Variants in DSP observed in about 807,000 individuals in gnomAD.
DSP encodes desmoplakin, also known as 250/210 kDa paraneoplastic pemphigus antigen.
In DSP, 114 loss-of-function variants were observed where a neutral mutation model predicts 290.6. That is an observed-to-expected ratio of 0.39 (90% CI 0.34 to 0.46). DSP has a LOEUF of 0.46. Among genes scored for constraint, DSP ranks in the 20% least tolerant of loss-of-function variants. The pLI is 0.99. For missense variants in DSP, 3,230 were observed against 3,495.8 expected (o/e 0.92, Z 1.92); for synonymous variants, 1,311 against 1,316.4 (o/e 1.00, Z 0.09).
Position 7,571,325 on chromosome 6 carries a change from T to C in DSP, c.1702-58T>C, listed in dbSNP as rs1404843031. On this transcript the variant is annotated intron_variant, in intron 13 of 23. Coordinates refer to ENST00000379802, the MANE Select transcript of DSP (RefSeq NM_004415.4). ...GGTGGCATTTTTTGGCCAACTCTTC[T>C]TGATTGCATTGTGGGGCAGTCATAA... 193 of 1,604,270 alleles carry C rather than the reference T, an allele frequency of 1.2e-4. 1 individual carries two copies. In the South Asian group the frequency reaches 2.0e-3, roughly 17 times the overall value.
At position 7,558,149 on chromosome 6, in the gene DSP, C is replaced by G. The variant is rs375028675; in HGVS notation, c.307C>G (p.Arg103Gly). ...GTATGGAGATGGAATACAACTGACT[C>G]GGAGTCGAGAATTGGATGAGTGTTT... ...LKYGDGIQLT[R>G]SRELDECFAQ... Residue 103 changes from arginine (R) to glycine (G), a missense_variant, in exon 3 of 24, where the codon CGG becomes GGG. Physicochemically the swap from Arg to Gly is moderately radical, Grantham distance 125. Transcript: ENST00000379802. The G allele has an allele frequency of 6.2e-7, 1 of 1,614,198 alleles. No homozygotes were observed. Among genetic ancestry groups the G allele is most frequent in the Non-Finnish European group, 8.5e-7 (1 of 1,180,046 alleles).
intron 20 of DSP, 120 bp from the exon 21 acceptor site, chr6:7,577,659 A>G: frequency 1.2e-6 from 1 of 857,522 alleles, no homozygotes; most frequent in Non-Finnish European, 2.0e-6. Context: ...AGTGGCGCAA[A>G]GTCTTTGGAG....
In DSP at chr6:7,584,123, T is replaced by G. The variant is rs1352455951; in HGVS notation, c.6861T>G (p.Thr2287=). 6.2e-7 allele frequency: 1 copy of G among 1,614,070 alleles called. No homozygotes were observed. Among genetic ancestry groups the G allele is most frequent in the African/African-American group, 1.3e-5 (1 of 74,922 alleles). The part of the protein sequence containing the change: ...AMKIGLVRPG[T]ALELLEAQAA... ...AAATTGGCTTAGTCCGACCTGGTAC[T>G]GCTCTGGAGTTGCTGGAAGCCCAAG... Residue 2287 remains threonine (T), a synonymous_variant, in exon 24 of 24, where the codon ACT becomes ACG. Transcript: ENST00000379802. The surrounding 1 kb of genome is among the most constrained non-coding windows in gnomAD (Gnocchi z 6.4).
In DSP at chr6:7,585,860, T is replaced by C. The variant is rs1024749708; in HGVS notation, c.8598T>C (p.Ser2866=). The change falls in exon 24 of 24, where the codon AGT becomes AGC. Residue 2866 remains serine, a synonymous_variant. Coordinates refer to ENST00000379802, the MANE Select transcript of DSP (RefSeq NM_004415.4). ...SSYSYSYSFS[S]SSIGH ...ACTCTTATTCCTACTCATTTAGCAG[T>C]AGTTCTATTGGGCACTAGTAGTCAG... 7 of 1,614,072 alleles carry C rather than the reference T, an allele frequency of 4.3e-6. No homozygotes were observed. The highest frequency in any genetic ancestry group is 1.1e-5 in the South Asian group (1 of 91,056).
At chr6:7,544,790 TC>T (rs544672708) in intron 1 of DSP, among the ~76,000 whole-genome samples, 1 of 152,162 alleles carries the variant, frequency 6.6e-6, no homozygotes, top group East Asian at 1.9e-4. Flanking sequence ...TCCCTCTTTT[TC>T]CCCCGACCAC....
In DSP at chr6:7,584,750, G is replaced by C; in HGVS notation, c.7488G>C (p.Leu2496=). Residue 2496 remains leucine, a synonymous_variant, in exon 24 of 24, where the codon CTG becomes CTC. Coordinates refer to ENST00000379802, the MANE Select transcript of DSP (RefSeq NM_004415.4). This position sits in a 1 kb window ranked among gnomAD's most constrained non-coding sequence, Gnocchi z 6.4. ...GLIDYETFKE[L]CEQECEWEEI... is the part of the protein sequence containing the mutation. ...TTGATTATGAAACCTTCAAAGAACT[G>C]TGTGAGCAGGAATGTGAATGGGAAG... 2 of 1,614,204 alleles carry C rather than the reference G, an allele frequency of 1.2e-6. No homozygotes were observed. The highest frequency in any genetic ancestry group is 2.7e-5 in the African/African-American group (2 of 75,046).
chr6:7,542,266 G>A (rs556151626), intron 1 of DSP, among the ~76,000 whole-genome samples, 181 bp downstream of exon 1: 1 of 143,610 alleles, frequency 7.0e-6, no homozygotes, highest in African/African-American at 2.5e-5. Flanking sequence ...TGCGGGGACA[G>A]GTTGGCCCCT....
chr6:7,556,950 G>A (rs1168078405), intron 2 of DSP, among the ~76,000 whole-genome samples: 6 of 152,118 alleles, frequency 3.9e-5, no homozygotes, highest in African/African-American at 1.2e-4. Context: ...CTATGGATAC[G>A]TTTTACATGT....
At chr6:7,558,507 CTTTTTTTTTTTT>C (rs145193988) in intron 3 of DSP, among the ~76,000 whole-genome samples, 67 of 104,554 alleles carry the variant, frequency 6.4e-4, no homozygotes, top group African/African-American at 2.3e-3. Context: ...TGGCATTTGA[CTTTTTTTTTTTT>C]TTTTTTTTTT....
Position 7,583,041 on chromosome 6 carries a change from C to T in DSP, c.5779C>T (p.Gln1927Ter). The T allele has an allele frequency of 6.2e-7, 1 of 1,614,016 alleles. No individual in the cohort carries two copies. The highest frequency in any genetic ancestry group is 8.5e-7 in the Non-Finnish European group (1 of 1,180,014). Reference protein sequence around the residue: ...LEDSTRETQSQLETERSRYQR... With the variant: ...LEDSTRETQS ...GGATTCTACCAGGGAGACACAGTCA[C>T]AGTTAGAAACAGAACGCTCCCGATA... The change falls in exon 24 of 24, where the codon CAG (glutamine) becomes TAG (stop). Residue 1927 changes from glutamine to a stop codon, truncating the protein, a stop_gained. Transcript: ENST00000379802. LOFTEE classifies it high-confidence loss of function. The surrounding 1 kb of genome is among the most constrained non-coding windows in gnomAD (Gnocchi z 4.0).
chr6:7,575,174 C>G (rs1477812031), intron 17 of DSP, 121 bp from the exon 18 acceptor site: 1 of 965,896 alleles, frequency 1.0e-6, no homozygotes, highest in Non-Finnish European at 1.6e-6. Flanking sequence ...ACTGTTAACA[C>G]TTTAAATTAT....
At position 7,580,208 on chromosome 6, in the gene DSP, C is replaced by A. The variant is rs768628788; in HGVS notation, c.4018C>A (p.Arg1340Ser). ...LKAEFQEEAKRRWEYENELSK... is the reference protein window; with the variant it reads ...LKAEFQEEAKSRWEYENELSK... ...AGCTGAGTTTCAGGAGGAGGCCAAG[C>A]GCCGCTGGGAATATGAAAATGAACT... Residue 1340 changes from arginine (R) to serine (S), a missense_variant, in exon 23 of 24, where the codon CGC becomes AGC. Transcript: ENST00000379802. This position sits in a 1 kb window ranked among gnomAD's most constrained non-coding sequence, Gnocchi z 4.2. 3 of 1,613,926 alleles carry A rather than the reference C, an allele frequency of 1.9e-6. No homozygotes were observed. Among genetic ancestry groups the A allele is most frequent in the Non-Finnish European group, 2.5e-6 (3 of 1,180,004 alleles).
chr6:7,582,693 G>T lies in DSP; in HGVS notation c.5431G>T (p.Glu1811Ter), dbSNP rs2113697854. Residue 1811 changes from glutamate to a stop codon, truncating the protein, a stop_gained, in exon 24 of 24, where the codon GAA becomes TAA. Coordinates refer to ENST00000379802, the MANE Select transcript of DSP (RefSeq NM_004415.4). LOFTEE classifies it high-confidence loss of function. This position sits in a 1 kb window ranked among gnomAD's most constrained non-coding sequence, Gnocchi z 4.2. ...GAATCAGTGTACTCAGGTGGTACAG[G>T]AAAGAGAGAGCCTTCTGGTGAAAAT... ...SKNQCTQVVQERESLLVKIKV... is the reference protein window; with the variant it reads ...SKNQCTQVVQ 1 of 1,613,760 alleles carries T rather than the reference G, an allele frequency of 6.2e-7. No individual in the cohort carries two copies. Among genetic ancestry groups the T allele is most frequent in the Non-Finnish European group, 8.5e-7 (1 of 1,179,916 alleles).
rs746533703 is a variant in DSP, at chr6:7,583,788, G to A, written c.6526G>A (p.Val2176Ile). The A allele has an allele frequency of 3.7e-6, 6 of 1,613,966 alleles. No individual in the cohort carries two copies. In the African/African-American group the frequency reaches 5.3e-5, roughly 14 times the overall value. The change falls in exon 24 of 24, where the codon GTC (valine) becomes ATC (isoleucine). Residue 2176 changes from valine to isoleucine, a missense_variant. Val to Ile is a conservative substitution (Grantham distance 29). Transcript: ENST00000379802. This position sits in a 1 kb window ranked among gnomAD's most constrained non-coding sequence, Gnocchi z 4.0. ...TAGTCAGAAAAACTTTGTGGATCCA[G>A]TCACCAAAAAGAAGGTCAGTTACGT... ...RDSQKNFVDP[V>I]TKKKVSYVQL...
Position 7,581,116 on chromosome 6 carries a change from C to T in DSP, c.4926C>T (p.Gly1642=). The change falls in exon 23 of 24, where the codon GGC becomes GGT. Residue 1642 remains glycine (G), a synonymous_variant. Transcript: ENST00000379802. ...GGCAGCAGAGGGACGTGCTGGATGG[C>T]CACCTGAGGGAAAAGCAGAGGACCC... ...DLRQQRDVLD[G]HLREKQRTQE... 3 of 1,614,054 alleles carry T rather than the reference C, an allele frequency of 1.9e-6. No individual in the cohort carries two copies. Among genetic ancestry groups the T allele is most frequent in the Non-Finnish European group, 2.5e-6 (3 of 1,180,016 alleles).
At chr6:7,574,881 C>T (rs1759187370) in intron 17 of DSP, 86 bp downstream of exon 17, 5 of 1,593,366 alleles carry the variant, frequency 3.1e-6, no homozygotes, top group Non-Finnish European at 4.3e-6. Context: ...ACTGGGTTTT[C>T]ATGAGTTTTG....
Position 7,582,636 on chromosome 6 carries a change from T to C in DSP, c.5380-6T>C, listed in dbSNP as rs1477281341. 1 of 1,610,172 alleles carries C rather than the reference T, an allele frequency of 6.2e-7. No individual in the cohort carries two copies. On this transcript the variant is annotated splice_polypyrimidine_tract_variant and splice_region_variant and intron_variant, in intron 23 of 23. Coordinates refer to ENST00000379802, the MANE Select transcript of DSP (RefSeq NM_004415.4). The surrounding 1 kb of genome is among the most constrained non-coding windows in gnomAD (Gnocchi z 4.2). ...TTTTTCCCATTTCTTTCTTCTTCAA[T>C]TCCAGGCATCTAATAGGATTCAGGA...
Position 7,582,890 on chromosome 6 carries a change from G to C in DSP, c.5628G>C (p.Glu1876Asp). 6.2e-7 allele frequency: 1 copy of C among 1,614,096 alleles called. No homozygotes were observed. The highest frequency in any genetic ancestry group is 8.5e-7 in the Non-Finnish European group (1 of 1,180,036). The change falls in exon 24 of 24, where the codon GAG (glutamate) becomes GAC (aspartate). Residue 1876 changes from glutamate to aspartate, a missense_variant. Physicochemically the swap from Glu to Asp is conservative, Grantham distance 45. Coordinates refer to ENST00000379802, the MANE Select transcript of DSP (RefSeq NM_004415.4). This position sits in a 1 kb window ranked among gnomAD's most constrained non-coding sequence, Gnocchi z 4.2. ...QWKTQYSRKE[E>D]AIRKIESERE... is the part of the protein sequence containing the mutation. ...AGACTCAATATTCCCGCAAGGAGGAGGCTATTAGGAAGATAGAATCGGAAA... is the reference window on the plus strand; with the variant it reads ...AGACTCAATATTCCCGCAAGGAGGACGCTATTAGGAAGATAGAATCGGAAA...
At chr6:7,567,579 G>A in intron 9 of DSP, 130 bp downstream of exon 9, 3 of 1,134,272 alleles carry the variant, frequency 2.6e-6, no homozygotes, top group African/African-American at 3.1e-5. Flanking sequence ...TTTGAGTGCA[G>A]AGTAGCATAG....
Sources: allele counts gnomAD v4.1 joint callset (sites outside exome capture counted in the v4.1 genomes callset), GRCh38; gene constraint gnomAD v4.1.1; non-coding constraint Gnocchi (gnomAD v3.1); transcripts MANE v1.5; gene names NCBI Gene and HGNC (gene_info 2026-07-23, HGNC 2026-07-21).